Variants in TUT4 observed in about 807,000 individuals in gnomAD.
TUT4 encodes terminal uridylyl transferase 4.
Under a neutral mutation model 192.2 loss-of-function variants are expected in TUT4, and 36 were observed. The ratio of observed to expected loss-of-function variants is 0.19; its 90% CI spans 0.14 to 0.25. The LOEUF is 0.25. TUT4 is among the 10% of genes least tolerant of loss of function. The pLI is 1.00. For missense variants in TUT4, 1,493 were observed against 1,957.2 expected, an observed-to-expected ratio of 0.76 and a Z score of 4.47; for synonymous variants, 618 against 666.0, an observed-to-expected ratio of 0.93 and a Z score of 1.11.
intron 2 of TUT4, among the ~76,000 whole-genome samples, chr1:52,519,206 G>A (rs1242391416): frequency 6.6e-6 from 1 of 151,950 alleles, no homozygotes; most frequent in Non-Finnish European, 1.5e-5. Context: ...AGGGAATGAC[G>A]TACTAATACA....
At chr1:52,430,046 T>G (rs1407780914) in intron 28 of TUT4, among the ~76,000 whole-genome samples, 1 of 152,182 alleles carries the variant, frequency 6.6e-6, no homozygotes, top group African/African-American at 2.4e-5. Context: ...AATGACTGAA[T>G]AGTAATACAC....
At position 52,533,001 on chromosome 1, in the gene TUT4, T is replaced by C. The variant is rs566368422; in HGVS notation, c.-93-6628A>G. ...TCATGTTCTAATCCAGACCAGTGAG[T>C]CCCAAACTTTTGTGTATAGGAATAA... is the stretch of plus-strand genomic sequence containing the variant. On this transcript the variant is annotated intron_variant, in intron 1 of 29. Transcript: ENST00000257177. Among the ~76,000 whole-genome samples the C allele has an allele frequency of 3.9e-5, 6 of 152,224 alleles. No homozygotes were observed. In the South Asian group the frequency reaches 1.2e-3, roughly 32 times the overall value.
At chr1:52,482,754 C>A (rs1242950551) in intron 9 of TUT4, among the ~76,000 whole-genome samples, 1 of 152,106 alleles carries the variant, frequency 6.6e-6, no homozygotes, top group Non-Finnish European at 1.5e-5. Context: ...CTTTTAAATG[C>A]TTAAATTATA....
intron 3 of TUT4, chr1:52,514,706 T>C (rs1196094907): frequency 1.3e-5 from 2 of 152,178 alleles, no homozygotes; most frequent in Non-Finnish European, 2.9e-5. Flanking sequence ...TTATCAAGAA[T>C]GATGACCTAT....
At position 52,474,953 on chromosome 1, in the gene TUT4, G is replaced by A; in HGVS notation, c.2606C>T (p.Thr869Ile). The A allele has an allele frequency of 6.2e-7, 1 of 1,614,210 alleles. No individual in the cohort carries two copies. The highest frequency in any genetic ancestry group is 1.7e-5 in the Admixed American group (1 of 60,034). The change falls in exon 13 of 30, where the codon ACA becomes ATA. Residue 869 changes from threonine to isoleucine, a missense_variant. Around this residue, in one of 7 missense-constraint regions of TUT4, gnomAD observed 245 missense variants for 218.4 expected, o/e 1.12. Coordinates refer to ENST00000257177, the MANE Select transcript of TUT4 (RefSeq NM_001009881.3). ...TTTGCAGTTGCAAGAGGTAGCAGAT[G>A]TGTCGGTGCACACACTCTGATGTGA... ...ESSHQSVCTD[T>I]SATSCNCKAT...
chr1:52,534,839 G>C (rs1479492669), intron 1 of TUT4: 3 of 152,034 alleles, frequency 2.0e-5, no homozygotes, highest in Non-Finnish European at 4.4e-5. Context: ...CCCCAGGCTG[G>C]GCGACAGTGC....
At chr1:52,426,914 GATT>G (rs1278753169) in intron 28 of TUT4, among the ~76,000 whole-genome samples, 2 of 152,164 alleles carry the variant, frequency 1.3e-5, no homozygotes, top group South Asian at 4.1e-4. Flanking sequence ...ATACAACTAT[GATT>G]ATTATTTTAA....
intron 22 of TUT4, 108 bp downstream of exon 22, chr1:52,446,157 C>A: frequency 7.3e-7 from 1 of 1,370,238 alleles, no homozygotes; most frequent in South Asian, 1.4e-5. Flanking sequence ...AGGAGGAAAA[C>A]TGATAAAAGA....
chr1:52,504,743 T>G (rs1035440530), intron 4 of TUT4, among the ~76,000 whole-genome samples: 4 of 152,104 alleles, frequency 2.6e-5, no homozygotes, highest in African/African-American at 9.7e-5. Flanking sequence ...AACTCCCCAT[T>G]TTCCCCTCCT....
intron 7 of TUT4, among the ~76,000 whole-genome samples, chr1:52,491,092 T>C (rs891777718): frequency 1.3e-5 from 2 of 152,192 alleles, no homozygotes; most frequent in African/African-American, 2.4e-5. Context: ...AAGTAGATAA[T>C]CTAGTCAAAG....
In TUT4 at chr1:52,446,037, A is replaced by G. The variant is rs771416715; in HGVS notation, c.3692-33T>C. ...AGAAATATATCAATGATTAAGAATTACATTCACTGTACCATAAAAATATAC... is the reference window on the plus strand; with the variant it reads ...AGAAATATATCAATGATTAAGAATTGCATTCACTGTACCATAAAAATATAC... On this transcript the variant is annotated intron_variant, in intron 22 of 29. Transcript: ENST00000257177. The G allele has an allele frequency of 9.5e-6, 15 of 1,571,624 alleles. No individual in the cohort carries two copies. In the Admixed American group the frequency reaches 2.8e-4, roughly 29 times the overall value.
intron 7 of TUT4, among the ~76,000 whole-genome samples, chr1:52,492,581 T>C (rs192576190): frequency 6.6e-6 from 1 of 152,312 alleles, no homozygotes; most frequent in East Asian, 1.9e-4. Context: ...AAATAATTTG[T>C]CAAAGGACAC....
At chr1:52,429,554 C>T (rs1413127696) in intron 28 of TUT4, among the ~76,000 whole-genome samples, 1 of 124,062 alleles carries the variant, frequency 8.1e-6, no homozygotes, top group Non-Finnish European at 1.5e-5. Flanking sequence ...GAGACTTTGT[C>T]TAAATATATA....
At position 52,526,234 on chromosome 1, in the gene TUT4, T is replaced by C. The variant is rs759198290; in HGVS notation, c.47A>G (p.Lys16Arg). The C allele has an allele frequency of 3.8e-6, 6 of 1,589,368 alleles. No homozygotes were observed. The highest frequency in any genetic ancestry group is 5.1e-6 in the Non-Finnish European group (6 of 1,174,040). Residue 16 changes from lysine to arginine, a missense_variant, in exon 2 of 30, where the codon AAG becomes AGG. Transcript: ENST00000257177. ...TTTGCTTTCTTCACAAATAACATTC[T>C]TCTTTGGTTCATGATTTTCACTTTT... is the stretch of plus-strand genomic sequence containing the variant. ...TLKSENHEPK[K>R]NVICEESKAV...
At chr1:52,526,523 T>C (rs554565469) in intron 1 of TUT4, 150 bp from the exon 2 acceptor site, 114 of 273,228 alleles carry the variant, frequency 4.2e-4, no homozygotes, top group African/African-American at 2.3e-3. Context: ...CAGAAAACTA[T>C]ATGAGAAGGA....
intron 19 of TUT4, 88 bp downstream of exon 19, chr1:52,461,046 G>T: frequency 8.7e-7 from 1 of 1,143,028 alleles, no homozygotes; most frequent in South Asian, 1.8e-5. Context: ...AAACAAAACT[G>T]AGACAAAATT....
At chr1:52,540,849 G>A (rs1318210140) in intron 1 of TUT4, among the ~76,000 whole-genome samples, 2 of 152,140 alleles carry the variant, frequency 1.3e-5, no homozygotes, top group African/African-American at 4.8e-5. Context: ...CTTTGTCTTT[G>A]TGTGTTATAT....
intron 9 of TUT4, among the ~76,000 whole-genome samples, chr1:52,488,576 C>T (rs1246868590): frequency 6.6e-6 from 1 of 152,136 alleles, no homozygotes; most frequent in Non-Finnish European, 1.5e-5. Context: ...GTATATACAT[C>T]TTAAAACCTT....
At chr1:52,437,959 A>G (rs1654331637) in intron 25 of TUT4, among the ~76,000 whole-genome samples, 1 of 152,164 alleles carries the variant, frequency 6.6e-6, no homozygotes, top group African/African-American at 2.4e-5. Flanking sequence ...CGTCTCAAAA[A>G]AAACAAAAAT....
Sources: allele counts gnomAD v4.1 joint callset (sites outside exome capture counted in the v4.1 genomes callset), GRCh38; gene constraint gnomAD v4.1.1; regional missense constraint gnomAD v4.1.1; transcripts MANE v1.5; gene names NCBI Gene and HGNC (gene_info 2026-07-23, HGNC 2026-07-21).